The following SOAT1 variants were observed in gnomAD, a reference collection of about 807,000 sequenced individuals.
SOAT1 encodes acyl-coenzyme A:cholesterol acyltransferase 1.
A neutral mutation model predicts 69.5 loss-of-function variants in SOAT1; 55 were observed. The ratio of observed to expected loss-of-function variants is 0.79; its 90% confidence interval spans 0.64 to 0.99. SOAT1 has a LOEUF of 0.99. Among genes scored for constraint, SOAT1 ranks in the 50% least tolerant of loss-of-function variants. The probability of loss-of-function intolerance (pLI) is 0.00; values close to 1 mark genes in which losing one functional copy is unlikely to be tolerated. For synonymous variants in SOAT1, 231 were observed against 224.7 expected (o/e 1.03, Z -0.25); for missense variants, 580 against 669.3 (o/e 0.87, Z 1.47).
chr1:179,328,638 A>G (rs1293766078), intron 3 of SOAT1, among the ~76,000 whole-genome samples: 2 of 152,204 alleles, frequency 1.3e-5, no homozygotes, highest in East Asian at 3.8e-4. Flanking sequence ...GTCTTTACTA[A>G]TTGGTATTTG....
At chr1:179,331,986 T>A (rs1242022248) in intron 3 of SOAT1, among the ~76,000 whole-genome samples, 1 of 152,206 alleles carries the variant, frequency 6.6e-6, no homozygotes, top group African/African-American at 2.4e-5. Flanking sequence ...ATGAAGAAAT[T>A]GTGATCAAGG....
Position 179,353,611 on chromosome 1 carries a change from A to G in SOAT1, c.1623A>G (p.Pro541=), listed in dbSNP as rs1241488024. ...KNPTFLDYVR[P]RSWTCRYVF ...CCACATTTTTGGATTATGTCCGGCC[A>G]CGTTCCTGGACTTGTCGTTACGTGT... Residue 541 remains proline (P), a synonymous_variant, in exon 16 of 16, where the codon CCA becomes CCG. Transcript: ENST00000367619. 1 of 1,613,682 alleles carries G rather than the reference A, an allele frequency of 6.2e-7. No homozygotes were observed. The highest frequency in any genetic ancestry group is 8.5e-7 in the Non-Finnish European group (1 of 1,179,856).
At chr1:179,350,786 A>T (rs1221265763) in intron 14 of SOAT1, among the ~76,000 whole-genome samples, 1 of 152,196 alleles carries the variant, frequency 6.6e-6, no homozygotes, top group East Asian at 1.9e-4. Flanking sequence ...GAGAGGGAAA[A>T]GTTGGAATAT....
intron 1 of SOAT1, among the ~76,000 whole-genome samples, chr1:179,301,752 T>C (rs950567041): frequency 6.6e-6 from 1 of 152,226 alleles, no homozygotes; most frequent in Non-Finnish European, 1.5e-5. Context: ...TAGTAGATAC[T>C]TAACAAAAAC....
rs1666966046 is a variant in SOAT1 at position 179,358,083 on chromosome 1, G to C, written c.*4442G>C. The C allele has an allele frequency of 6.6e-6, 1 of 152,146 alleles. No homozygotes were observed. Among genetic ancestry groups the C allele is most frequent in the Non-Finnish European group, 1.5e-5 (1 of 68,030 alleles). The allele number at this position is 152,146 out of a possible 1,614,324, so 9.4% of individuals were successfully genotyped here. On this transcript the variant is annotated 3_prime_UTR_variant, in exon 16 of 16. Coordinates refer to ENST00000367619, the MANE Select transcript of SOAT1 (RefSeq NM_003101.6). ...ACAATAATAAAGTTGATAAGCTTTA[G>C]GTTGGTAGGAAAGCTATGTAATCTA...
chr1:179,299,082 T>G (rs1279888681), intron 1 of SOAT1, among the ~76,000 whole-genome samples: 1 of 152,094 alleles, frequency 6.6e-6, no homozygotes, highest in Non-Finnish European at 1.5e-5. Flanking sequence ...TGCTCTCTGA[T>G]TATAGGACAA....
At chr1:179,313,307 A>G (rs1665279950) in intron 2 of SOAT1, among the ~76,000 whole-genome samples, 1 of 152,180 alleles carries the variant, frequency 6.6e-6, no homozygotes, top group Non-Finnish European at 1.5e-5. Context: ...TACGTTGTTC[A>G]ATATGGTTGC....
At chr1:179,335,425 T>G in intron 3 of SOAT1, 81 bp from the exon 4 acceptor site, 1 of 1,257,994 alleles carries the variant, frequency 7.9e-7, no homozygotes, top group East Asian at 2.4e-5. Context: ...CAGCTCTGTT[T>G]AAGGGAGCCC....
intron 3 of SOAT1, among the ~76,000 whole-genome samples, chr1:179,333,128 A>G (rs1416966249): frequency 1.3e-5 from 2 of 152,188 alleles, no homozygotes; most frequent in Non-Finnish European, 2.9e-5. Context: ...TACAATTTTT[A>G]TTGTACATTG....
chr1:179,319,506 G>A (rs143480510), intron 2 of SOAT1, among the ~76,000 whole-genome samples: 1 of 152,278 alleles, frequency 6.6e-6, no homozygotes, highest in African/African-American at 2.4e-5. Context: ...CCGACCTCAG[G>A]TGATCTGCCC....
At chr1:179,307,607 C>CAA (rs11445535) in intron 2 of SOAT1, among the ~76,000 whole-genome samples, 3 of 150,044 alleles carry the variant, frequency 2.0e-5, no homozygotes, top group African/African-American at 7.3e-5. Context: ...TTGCAGACTT[C>CAA]AAAAAAAAAT....
chr1:179,343,243 T>C (rs1429715531), intron 9 of SOAT1, among the ~76,000 whole-genome samples: 2 of 152,116 alleles, frequency 1.3e-5, no homozygotes, highest in African/African-American at 2.4e-5. Flanking sequence ...TTTAGTTTTT[T>C]CTGAGATGGG....
intron 15 of SOAT1, among the ~76,000 whole-genome samples, chr1:179,351,875 A>G (rs1666750803): frequency 6.6e-6 from 1 of 151,680 alleles, no homozygotes; most frequent in African/African-American, 2.4e-5. Context: ...GCATGCCACC[A>G]TGCCCGCTAA....
intron 3 of SOAT1, among the ~76,000 whole-genome samples, chr1:179,325,800 AG>A (rs1415054315): frequency 6.6e-6 from 1 of 152,160 alleles, no homozygotes; most frequent in African/African-American, 2.4e-5. Flanking sequence ...GGCAGGATGA[AG>A]GGGGGATGTT....
intron 4 of SOAT1, among the ~76,000 whole-genome samples, chr1:179,336,762 C>T (rs1262788572): frequency 6.6e-6 from 1 of 151,960 alleles, no homozygotes; most frequent in Non-Finnish European, 1.5e-5. Flanking sequence ...TTTGGGAGAC[C>T]AAGGCAGGTG....
rs1408656525 is a variant in SOAT1, at chr1:179,307,857, T to C, written c.118+5055T>C. Among the ~76,000 whole-genome samples the C allele has an allele frequency of 3.3e-5, 5 of 151,808 alleles. No homozygotes were observed. In the East Asian group the frequency reaches 9.7e-4, roughly 29 times the overall value. ...CCCAGGCTGGAGTGCAATGGCACAA[T>C]CTCGGCTCACCACAACCTCCACCTC... On this transcript the variant is annotated intron_variant, in intron 2 of 15. Transcript: ENST00000367619.
intron 4 of SOAT1, among the ~76,000 whole-genome samples, chr1:179,335,999 A>T (rs918225526): frequency 2.6e-5 from 4 of 152,080 alleles, no homozygotes; most frequent in Non-Finnish European, 5.9e-5. Flanking sequence ...ATTTGTCTCT[A>T]CTAAAAATAC....
chr1:179,309,514 G>A (rs1257433120), intron 2 of SOAT1, among the ~76,000 whole-genome samples: 1 of 152,118 alleles, frequency 6.6e-6, no homozygotes, highest in Non-Finnish European at 1.5e-5. Flanking sequence ...CACACTCTTG[G>A]CAATAATCTT....
At chr1:179,335,749 C>A in intron 4 of SOAT1, 92 bp downstream of exon 4, 3 of 1,226,820 alleles carry the variant, frequency 2.4e-6, no homozygotes, top group Admixed American at 2.3e-5. Flanking sequence ...TGAGTTCACA[C>A]CCTGGTGTCA....
Sources: gnomAD v4.1 joint callset for allele counts (sites outside exome capture counted in the v4.1 genomes callset) on GRCh38, gnomAD v4.1.1 for gene constraint, MANE v1.5 for transcripts, NCBI Gene and HGNC (gene_info 2026-07-23, HGNC 2026-07-21) for gene names.